Variants in SEPTIN5 observed in about 807,000 individuals in gnomAD.
The protein encoded by SEPTIN5 is septin-5.
In SEPTIN5, 16 loss-of-function variants were observed where a neutral mutation model predicts 51.2. That is an observed-to-expected ratio of 0.31 (90% CI 0.21 to 0.47). The LOEUF is 0.47. SEPTIN5 is among the 20% of genes least tolerant of loss of function. SEPTIN5 has a pLI of 0.99. For missense variants in SEPTIN5, 376 were observed against 500.3 expected, an observed-to-expected ratio of 0.75 and a Z score of 2.37; for synonymous variants, 208 against 191.2, an observed-to-expected ratio of 1.09 and a Z score of -0.72.
At chr22:19,716,182 GAGGAAGAAGGCACTGTGTGGCCA>G (rs1935908773) in intron 2 of SEPTIN5, among the ~76,000 whole-genome samples, 1 of 152,324 alleles carries the variant, frequency 6.6e-6, no homozygotes, top group South Asian at 2.1e-4. Context: ...TCCAAGCCCA[GAGGAAGAAGGCACTGTGTGGCCA>G]AGGAAGGGAG....
intron 2 of SEPTIN5, among the ~76,000 whole-genome samples, chr22:19,716,714 C>G (rs1007832489): frequency 6.6e-6 from 1 of 152,204 alleles, no homozygotes; most frequent in African/African-American, 2.4e-5. Context: ...TGGGCCTCCC[C>G]AGAGGCTGTG....
chr22:19,719,957 A>C, intron 4 of SEPTIN5, 65 bp downstream of exon 4: 1 of 1,603,986 alleles, frequency 6.2e-7, no homozygotes, highest in Non-Finnish European at 8.5e-7. Context: ...CTCTCCAAGG[A>C]CTCCCTTTCA....
Position 19,722,732 on chromosome 22 carries a change from C to A in SEPTIN5, c.*248C>A. 1.8e-6 allele frequency: 1 copy of A among 570,972 alleles called. No individual in the cohort carries two copies. Among genetic ancestry groups the A allele is most frequent in the Non-Finnish European group, 3.1e-6 (1 of 318,912 alleles). The allele number at this position is 570,972 out of a possible 1,614,324, so 35.4% of individuals were successfully genotyped here. ...TGGGCGGGACTTCAGAGATCCGCCT[C>A]CCTTGCCCTTCCCCCGCCCCCGGAC... On this transcript the variant is annotated 3_prime_UTR_variant, in exon 12 of 12. Coordinates refer to ENST00000455784, the MANE Select transcript of SEPTIN5 (RefSeq NM_002688.6).
At chr22:19,721,494 A>G in intron 8 of SEPTIN5, 146 bp from the exon 9 acceptor site, 1 of 890,162 alleles carries the variant, frequency 1.1e-6, no homozygotes, top group South Asian at 1.6e-5. Context: ...CAGAGAGGCC[A>G]GAAAGGGGCA....
In SEPTIN5 at chr22:19,714,560, G is replaced by A. The variant is rs1312275139; in HGVS notation, c.-29G>A. 3.6e-6 allele frequency: 5 copies of A among 1,375,322 alleles called. No individual in the cohort carries two copies. Among genetic ancestry groups the A allele is most frequent in the Non-Finnish European group, 2.8e-6 (3 of 1,064,326 alleles). 85.2% of individuals were successfully genotyped at this position (1,375,322 alleles called of 1,614,324 possible). On this transcript the variant is annotated 5_prime_UTR_variant, in exon 1 of 12. Coordinates refer to ENST00000455784, the MANE Select transcript of SEPTIN5 (RefSeq NM_002688.6). This position sits in a 1 kb window ranked among gnomAD's most constrained non-coding sequence, Gnocchi z 5.2. ...GTCGTCGCGCCCCGCCCGCGAGCCC[G>A]CCCCGCACGTCCCCCGCCGGCGGCC...
At chr22:19,716,624 CCACAGGCCCTGA>C (rs1310789901) in intron 2 of SEPTIN5, among the ~76,000 whole-genome samples, 1 of 152,204 alleles carries the variant, frequency 6.6e-6, no homozygotes, top group African/African-American at 2.4e-5. Flanking sequence ...CCCAGGGAAT[CCACAGGCCCTGA>C]CTGGGCCCCA....
chr22:19,718,929 C>T, intron 2 of SEPTIN5: 1 of 1,083,720 alleles, frequency 9.2e-7, no homozygotes, highest in East Asian at 3.6e-5. Context: ...AGGCTCAGCC[C>T]TTCCCTCCGC....
Position 19,719,624 on chromosome 22 carries a change from G to C in SEPTIN5, c.77G>C (p.Gly26Ala). ...CAGGACATTGACAAGCAGTACGTGG[G>C]CTTCGCCACACTGCCCAACCAGGTG... Reference protein sequence around the residue: ...DKQDIDKQYVGFATLPNQVHR... With the variant: ...DKQDIDKQYVAFATLPNQVHR... The change falls in exon 3 of 12, where the codon GGC becomes GCC. Residue 26 changes from glycine (G) to alanine (A), a missense_variant. By Grantham distance (60) the Gly-to-Ala change is moderately conservative (BLOSUM62 0). Coordinates refer to ENST00000455784, the MANE Select transcript of SEPTIN5 (RefSeq NM_002688.6). The C allele has an allele frequency of 6.2e-7, 1 of 1,612,972 alleles. No individual in the cohort carries two copies.
At position 19,721,876 on chromosome 22, in the gene SEPTIN5, C is replaced by G; in HGVS notation, c.869C>G (p.Thr290Arg). The G allele has an allele frequency of 6.2e-7, 1 of 1,612,230 alleles. No individual in the cohort carries two copies. The highest frequency in any genetic ancestry group is 8.5e-7 in the Non-Finnish European group (1 of 1,179,530). Residue 290 changes from threonine to arginine, a missense_variant, in exon 10 of 12, where the codon ACG becomes AGG. Coordinates refer to ENST00000455784, the MANE Select transcript of SEPTIN5 (RefSeq NM_002688.6). ...AAGCTGCGCAACATGCTCATCCGCA[C>G]GCATATGCACGACCTCAAGGACGTG... ...FVKLRNMLIR[T>R]HMHDLKDVTC...
At chr22:19,718,656 G>C in intron 2 of SEPTIN5, 1 of 1,287,202 alleles carries the variant, frequency 7.8e-7, no homozygotes, top group Non-Finnish European at 9.8e-7. Context: ...GCCGCGCCAA[G>C]GTCCCTCGCT....
intron 2 of SEPTIN5, chr22:19,719,150 G>A (rs1382770684): frequency 3.4e-5 from 8 of 236,540 alleles, no homozygotes; most frequent in Middle Eastern, 1.3e-3. Context: ...CGCCGCTGCC[G>A]CCGCCCCCGC....
Position 19,722,843 on chromosome 22 carries a change from CCTGCCCCAGTG to C in SEPTIN5, c.*364_*374del, listed in dbSNP as rs1259948765. On this transcript the variant is annotated 3_prime_UTR_variant, in exon 12 of 12. Coordinates refer to ENST00000455784, the MANE Select transcript of SEPTIN5 (RefSeq NM_002688.6). ...GATTCCCAGGATCCTGGGTCTGTTC[CCTGCCCCAGTG>C]CTGCAGAACGGACTTGGGAGCCCTC... 4.3e-6 allele frequency: 2 copies of C among 465,238 alleles called. No individual in the cohort carries two copies. The highest frequency in any genetic ancestry group is 6.9e-5 in the Admixed American group (2 of 29,052). 28.8% of individuals were successfully genotyped at this position (465,238 alleles called of 1,614,324 possible).
At position 19,722,080 on chromosome 22, in the gene SEPTIN5, C is replaced by A. The variant is rs563848614; in HGVS notation, c.950+123C>A. ...TTGCACCATTCCCTAAGCCCCCCCC[C>A]TCCCCCAGAGCCTGGTCTCCCTAGA... On this transcript the variant is annotated intron_variant, in intron 10 of 11. Transcript: ENST00000455784. 112 of 1,305,220 alleles carry A rather than the reference C, an allele frequency of 8.6e-5. No individual in the cohort carries two copies. In the African/African-American group the frequency reaches 1.6e-3, roughly 19 times the overall value. 80.9% of individuals were successfully genotyped at this position (1,305,220 alleles called of 1,614,324 possible).
In SEPTIN5 at chr22:19,719,323, G is replaced by C. The variant is rs375969568; in HGVS notation, c.55-279G>C. The C allele has an allele frequency of 9.1e-5, 36 of 393,862 alleles. No individual in the cohort carries two copies. The East Asian group carries it at 1.2e-3, about 13-fold the overall frequency. 24.4% of individuals were successfully genotyped at this position (393,862 alleles called of 1,614,324 possible). The stretch of plus-strand genomic sequence containing the variant: ...AGGAGGGAGGACATCGCCTGTGCCT[G>C]CTGCGGCCTGACATCTCCCCACGGA... On this transcript the variant is annotated intron_variant, in intron 2 of 11. Coordinates refer to ENST00000455784, the MANE Select transcript of SEPTIN5 (RefSeq NM_002688.6).
intron 4 of SEPTIN5, 39 bp downstream of exon 4, chr22:19,719,931 T>C: frequency 6.2e-7 from 1 of 1,609,078 alleles, no homozygotes. Flanking sequence ...TGATCCCCAG[T>C]CCCCTTCCAT....
Position 19,720,541 on chromosome 22 carries a change from C to CT in SEPTIN5, c.498-7dup. On this transcript the variant is annotated splice_region_variant and splice_polypyrimidine_tract_variant and intron_variant, in intron 6 of 11. Coordinates refer to ENST00000455784, the MANE Select transcript of SEPTIN5 (RefSeq NM_002688.6). The stretch of plus-strand genomic sequence containing the variant: ...GTGCCTATGCCCACCCTTGGCTGCT[C>CT]TCGGCAGGCTGCGGCCAGTGGATGT... 6.2e-7 allele frequency: 1 copy of CT among 1,613,262 alleles called. No homozygotes were observed. The highest frequency in any genetic ancestry group is 2.2e-5 in the East Asian group (1 of 44,892).
Position 19,714,761 on chromosome 22 carries a change from C to T in SEPTIN5, c.44-20C>T, listed in dbSNP as rs371123082. ...CGCTCGGAACCGGACCCGGACTCGA[C>T]CCCGACCCCGACCCCGCAGAGGACA... On this transcript the variant is annotated intron_variant, in intron 1 of 11. Transcript: ENST00000455784. The surrounding 1 kb of genome is among the most constrained non-coding windows in gnomAD (Gnocchi z 5.2). 3.2e-5 allele frequency: 51 copies of T among 1,592,148 alleles called. No homozygotes were observed. The African/African-American group carries it at 5.6e-4, about 17-fold the overall frequency.
rs372259497 is a variant in SEPTIN5 at position 19,720,543 on chromosome 22, C to T, written c.498-6C>T. On this transcript the variant is annotated splice_polypyrimidine_tract_variant and splice_region_variant and intron_variant, in intron 6 of 11. Transcript: ENST00000455784. The stretch of plus-strand genomic sequence containing the variant: ...GCCTATGCCCACCCTTGGCTGCTCT[C>T]GGCAGGCTGCGGCCAGTGGATGTGG... The T allele has an allele frequency of 1.9e-5, 31 of 1,613,090 alleles. No individual in the cohort carries two copies. The highest frequency in any genetic ancestry group is 3.3e-5 in the South Asian group (3 of 91,082).
Position 19,719,898 on chromosome 22 carries a change from T to C in SEPTIN5, c.238+6T>C, listed in dbSNP as rs1170722582. 2.5e-6 allele frequency: 4 copies of C among 1,612,228 alleles called. No homozygotes were observed. The highest frequency in any genetic ancestry group is 3.4e-6 in the Non-Finnish European group (4 of 1,179,810). On this transcript the variant is annotated splice_donor_region_variant and intron_variant, in intron 4 of 11. Coordinates refer to ENST00000455784, the MANE Select transcript of SEPTIN5 (RefSeq NM_002688.6). Reference sequence around the variant, plus strand: ...GAAGCTGCTCAGTGCTGAGGGTGAGTGGCCCCCAGGAGGCCCTGGCACTGA... The same window carrying C: ...GAAGCTGCTCAGTGCTGAGGGTGAGCGGCCCCCAGGAGGCCCTGGCACTGA...
Sources: allele counts gnomAD v4.1 joint callset (sites outside exome capture counted in the v4.1 genomes callset), GRCh38; gene constraint gnomAD v4.1.1; non-coding constraint Gnocchi (gnomAD v3.1); transcripts MANE v1.5; gene names NCBI Gene and HGNC (gene_info 2026-07-23, HGNC 2026-07-21).